Variants in RERG observed in about 807,000 individuals in gnomAD.
RERG encodes the protein RAS like estrogen regulated growth inhibitor, also known as ras-related and estrogen-regulated growth inhibitor.
A neutral mutation model predicts 23.2 loss-of-function variants in RERG; 25 were observed. The observed-to-expected ratio is 1.08, with a 90% CI of 0.79 to 1.50. The LOEUF (loss-of-function observed/expected upper bound fraction) is 1.50, where lower values mean the gene tolerates loss of function less well. RERG is among the 40% of genes most tolerant of loss of function. RERG has a pLI of 0.00. For synonymous variants in RERG, 81 were observed against 89.1 expected (o/e 0.91, Z 0.51); for missense variants, 253 against 250.1 (o/e 1.01, Z -0.08).
At chr12:15,111,174 T>C in intron 4 of RERG, 170 bp downstream of exon 4, 1 of 546,674 alleles carries the variant, frequency 1.8e-6, no homozygotes, top group African/African-American at 1.9e-5. Context: ...TAAGGATGAA[T>C]ATACAGATAT....
chr12:15,210,010 C>T (rs574954833), intron 2 of RERG, among the ~76,000 whole-genome samples: 1 of 152,220 alleles, frequency 6.6e-6, no homozygotes, highest in Admixed American at 6.5e-5. Flanking sequence ...AATATAGCAA[C>T]TCATTTTTCA....
rs770523361 is a variant in RERG, at chr12:15,125,503, T to C, written c.62-4384A>G. Among the ~76,000 whole-genome samples, 35 of 152,024 alleles carry C rather than the reference T, an allele frequency of 2.3e-4. 1 individual carries two copies. The highest frequency in any genetic ancestry group is 1.7e-3 in the Admixed American group (26 of 15,266). On this transcript the variant is annotated intron_variant, in intron 2 of 4. Coordinates refer to ENST00000256953, the MANE Select transcript of RERG (RefSeq NM_032918.3). Reference sequence around the variant, plus strand: ...TTTCATTTCATTATAGTACTTACAGTTTAACTACTTGATCTTACCTTGACC... The same window carrying C: ...TTTCATTTCATTATAGTACTTACAGCTTAACTACTTGATCTTACCTTGACC...
At chr12:15,188,353 T>C (rs1017314217) in intron 2 of RERG, among the ~76,000 whole-genome samples, 1 of 152,188 alleles carries the variant, frequency 6.6e-6, no homozygotes, top group Non-Finnish European at 1.5e-5. Flanking sequence ...CCACTGTTAC[T>C]TGGAGAAGGT....
intron 2 of RERG, among the ~76,000 whole-genome samples, chr12:15,123,617 TAATA>T (rs1488891139): frequency 2.2e-5 from 3 of 134,926 alleles, no homozygotes; most frequent in Admixed American, 8.3e-5. Flanking sequence ...TAAATTTATA[TAATA>T]AATATTAAAA....
chr12:15,121,652 C>T (rs1216369925), intron 2 of RERG, among the ~76,000 whole-genome samples: 2 of 152,182 alleles, frequency 1.3e-5, no homozygotes, highest in African/African-American at 4.8e-5. Context: ...AGAATACAGT[C>T]AGAGTCAGGT....
chr12:15,161,226 G>GAAAGAAAGAAACAAAC (rs1565524246), intron 2 of RERG, among the ~76,000 whole-genome samples: 2 of 123,570 alleles, frequency 1.6e-5, no homozygotes, highest in South Asian at 2.6e-4. Context: ...AAGAAAGAAA[G>GAAAGAAAGAAACAAAC]AAACAGGGGC....
chr12:15,213,644 ACAC>A (rs1383551005), intron 2 of RERG, among the ~76,000 whole-genome samples: 1 of 152,208 alleles, frequency 6.6e-6, no homozygotes, highest in Non-Finnish European at 1.5e-5. Context: ...GTGCACATAC[ACAC>A]ATCCCTCACA....
At chr12:15,126,623 T>C (rs1863946640) in intron 2 of RERG, among the ~76,000 whole-genome samples, 1 of 152,068 alleles carries the variant, frequency 6.6e-6, no homozygotes, top group African/African-American at 2.4e-5. Flanking sequence ...TATTTTAAGC[T>C]GGTAACCCAG....
intron 2 of RERG, among the ~76,000 whole-genome samples, chr12:15,200,776 G>A (rs1865204807): frequency 6.6e-6 from 1 of 151,932 alleles, no homozygotes; most frequent in Non-Finnish European, 1.5e-5. Flanking sequence ...TTTCCTTAAT[G>A]TTGACATGTT....
intron 2 of RERG, among the ~76,000 whole-genome samples, chr12:15,196,908 T>C (rs1865152898): frequency 6.6e-6 from 1 of 152,042 alleles, no homozygotes; most frequent in Non-Finnish European, 1.5e-5. Flanking sequence ...AGAATTCTAA[T>C]CATAAAATAA....
chr12:15,131,875 A>C (rs1206326619), intron 2 of RERG, among the ~76,000 whole-genome samples: 1 of 152,170 alleles, frequency 6.6e-6, no homozygotes, highest in Non-Finnish European at 1.5e-5. Context: ...TGCAGACCAA[A>C]CACCACTCCT....
chr12:15,219,115 A>G (rs1423117613), intron 1 of RERG, among the ~76,000 whole-genome samples: 3 of 152,206 alleles, frequency 2.0e-5, no homozygotes, highest in African/African-American at 7.2e-5. Context: ...GTTAATCTTA[A>G]TCACACCAGT....
intron 2 of RERG, among the ~76,000 whole-genome samples, chr12:15,214,882 G>A (rs1865419177): frequency 6.6e-6 from 1 of 152,124 alleles, no homozygotes; most frequent in African/African-American, 2.4e-5. Context: ...GTAGTTTGTG[G>A]TCGTTTTCAC....
chr12:15,177,843 T>G (rs559859291), intron 2 of RERG, among the ~76,000 whole-genome samples: 31 of 150,206 alleles, frequency 2.1e-4, no homozygotes, highest in East Asian at 7.7e-4. Context: ...CTGTTTGTTT[T>G]TTTTTTTTTT....
In RERG at chr12:15,167,093, A is replaced by C. The variant is rs563923622; in HGVS notation, c.62-45974T>G. ...AGGCAAGCCTTGGTGCAGAGGGTAC[A>C]TTTTCTTACCAAGTATAGGGCATGT... On this transcript the variant is annotated intron_variant, in intron 2 of 4. Transcript: ENST00000256953. 4.6e-5 allele frequency among the ~76,000 whole-genome samples: 7 copies of C among 152,262 alleles called. No homozygotes were observed. The South Asian group carries it at 1.2e-3, about 27-fold the overall frequency.
At position 15,162,720 on chromosome 12, in the gene RERG, C is replaced by T. The variant is rs186531961; in HGVS notation, c.62-41601G>A. Among the ~76,000 whole-genome samples, 209 of 152,220 alleles carry T rather than the reference C, an allele frequency of 1.4e-3. 1 individual carries two copies. Among genetic ancestry groups the T allele is most frequent in the Non-Finnish European group, 1.3e-3 (86 of 68,006 alleles). On this transcript the variant is annotated intron_variant, in intron 2 of 4. Transcript: ENST00000256953. ...TTAAAAACACAACCAAATAAATTTA[C>T]GGTGTGGTTTCAGCTTTATTTTTCT...
intron 2 of RERG, among the ~76,000 whole-genome samples, chr12:15,150,043 C>T (rs566746356): frequency 1.6e-4 from 24 of 152,092 alleles, no homozygotes; most frequent in Non-Finnish European, 2.5e-4. Flanking sequence ...TCTGTGAACC[C>T]CCCTGAAGGC....
intron 2 of RERG, among the ~76,000 whole-genome samples, chr12:15,200,313 T>A (rs1865198467): frequency 6.6e-6 from 1 of 152,020 alleles, no homozygotes; most frequent in Non-Finnish European, 1.5e-5. Flanking sequence ...CTGAGAAAAC[T>A]GTATGGTAAA....
At chr12:15,209,606 A>G (rs1290151774) in intron 2 of RERG, among the ~76,000 whole-genome samples, 1 of 152,084 alleles carries the variant, frequency 6.6e-6, no homozygotes, top group African/African-American at 2.4e-5. Flanking sequence ...AATTTTGGCT[A>G]TTTTGGTTGA....
Sources: gnomAD v4.1 joint callset for allele counts (sites outside exome capture counted in the v4.1 genomes callset) on GRCh38, gnomAD v4.1.1 for gene constraint, MANE v1.5 for transcripts, NCBI Gene and HGNC (gene_info 2026-07-23, HGNC 2026-07-21) for gene names.